TASP1: variants seen among roughly 807,000 people sequenced by gnomAD.
The protein encoded by TASP1 is taspase 1.
Under a neutral mutation model 56.6 loss-of-function variants are expected in TASP1, and 16 were observed. The observed-to-expected ratio is 0.28, with a 90% CI of 0.19 to 0.43. The LOEUF (loss-of-function observed/expected upper bound fraction) is 0.43, where lower values mean the gene tolerates loss of function less well. Among genes scored for constraint, TASP1 ranks in the 20% least tolerant of loss-of-function variants. The pLI is 1.00. For synonymous variants in TASP1, 179 were observed against 184.2 expected (o/e 0.97, Z 0.23); for missense variants, 393 against 511.6 (o/e 0.77, Z 2.24).
intron 7 of TASP1, among the ~76,000 whole-genome samples, chr20:13,569,188 T>TTC (rs368700107): frequency 1.3e-4 from 20 of 151,378 alleles, no homozygotes; most frequent in Middle Eastern, 3.4e-3. Flanking sequence ...CTATATTTTC[T>TTC]TCTCTCTCTC....
At chr20:13,149,264 G>T in the TASP1 span, among the ~76,000 whole-genome samples, 1 of 152,318 alleles carries the variant, frequency 6.6e-6, no homozygotes, top group South Asian at 2.1e-4. Context: ...TCTTGAAGGG[G>T]ATGTGGCCGC....
At chr20:13,436,660 C>T (rs1242651701) in intron 11 of TASP1, among the ~76,000 whole-genome samples, 1 of 152,122 alleles carries the variant, frequency 6.6e-6, no homozygotes, top group South Asian at 2.1e-4. Flanking sequence ...AGGTGTAAGT[C>T]TTTATGCTAA....
At chr20:13,507,135 A>G (rs1303381723) in intron 10 of TASP1, among the ~76,000 whole-genome samples, 1 of 152,194 alleles carries the variant, frequency 6.6e-6, no homozygotes, top group Non-Finnish European at 1.5e-5. Flanking sequence ...TAAAATATCC[A>G]AAAAGATATT....
chr20:13,160,142 C>G, the TASP1 span: 1 of 1,612,530 alleles, frequency 6.2e-7, no homozygotes, highest in South Asian at 1.1e-5. Context: ...GGTGAGTACA[C>G]CACAGGCCAA....
the TASP1 span, among the ~76,000 whole-genome samples, chr20:13,193,946 CT>C: frequency 0.026 from 4,002 of 152,234 alleles, 167 homozygotes; most frequent in African/African-American, 0.09. Flanking sequence ...ACATAACCAC[CT>C]GTAGATGCAA....
At chr20:13,220,459 G>A in the TASP1 span, among the ~76,000 whole-genome samples, 2 of 152,222 alleles carry the variant, frequency 1.3e-5, no homozygotes, top group Non-Finnish European at 2.9e-5. Flanking sequence ...ACAGCTGCGC[G>A]ACGCCAGCCC....
chr20:13,210,437 A>G, the TASP1 span, among the ~76,000 whole-genome samples: 1 of 152,194 alleles, frequency 6.6e-6, no homozygotes, highest in Non-Finnish European at 1.5e-5. Flanking sequence ...GCTAATTATT[A>G]TATATTCATA....
rs577403181 is a variant in TASP1, at chr20:13,395,499, C to G, written c.1171-5047G>C. 3.9e-5 allele frequency among the ~76,000 whole-genome samples: 6 copies of G among 152,238 alleles called. No individual in the cohort carries two copies. The South Asian group carries it at 1.2e-3, about 32-fold the overall frequency. On this transcript the variant is annotated intron_variant, in intron 13 of 13. Transcript: ENST00000337743. ...AATGTCACATGAACTTTAATATAAT[C>G]TGGAATACTGTGTATAGTTTATAGA...
At chr20:13,120,899 C>T in the TASP1 span, among the ~76,000 whole-genome samples, 1 of 152,178 alleles carries the variant, frequency 6.6e-6, no homozygotes, top group South Asian at 2.1e-4. Context: ...TTTGGAGCCG[C>T]TATAGATGCA....
At chr20:13,305,369 T>C in the TASP1 span, among the ~76,000 whole-genome samples, 1 of 152,210 alleles carries the variant, frequency 6.6e-6, no homozygotes, top group Non-Finnish European at 1.5e-5. Context: ...GGAGTGGGAC[T>C]GCTCAAATCA....
At chr20:13,360,050 G>C in the TASP1 span, among the ~76,000 whole-genome samples, 10 of 151,758 alleles carry the variant, frequency 6.6e-5, no homozygotes, top group East Asian at 3.9e-4. Context: ...TTTTACCTGT[G>C]CTAAAACCAG....
At chr20:13,257,098 A>G in the TASP1 span, among the ~76,000 whole-genome samples, 3 of 152,246 alleles carry the variant, frequency 2.0e-5, no homozygotes, top group African/African-American at 7.2e-5. Context: ...CTGGTGAGAA[A>G]GCTCGAGCCA....
chr20:13,620,172 C>A (rs1040083422), intron 4 of TASP1, among the ~76,000 whole-genome samples: 1 of 150,950 alleles, frequency 6.6e-6, no homozygotes, highest in Non-Finnish European at 1.5e-5. Context: ...AAAAATAAAA[C>A]CACACAAAAT....
chr20:13,292,256 G>A, the TASP1 span: 2 of 650,862 alleles, frequency 3.1e-6, no homozygotes, highest in Admixed American at 3.0e-5. Context: ...TTCTGCCCGT[G>A]AGTAGTAATG....
At chr20:13,163,554 T>C in the TASP1 span, among the ~76,000 whole-genome samples, 28 of 152,248 alleles carry the variant, frequency 1.8e-4, no homozygotes, top group African/African-American at 6.5e-4. Flanking sequence ...AAGATAACTT[T>C]GGTTACTTTT....
intron 11 of TASP1, among the ~76,000 whole-genome samples, chr20:13,437,912 A>T (rs923891844): frequency 6.6e-6 from 1 of 152,204 alleles, no homozygotes; most frequent in African/African-American, 2.4e-5. Context: ...AAGAATCAAT[A>T]TCATGAAAAT....
intron 11 of TASP1, among the ~76,000 whole-genome samples, chr20:13,473,381 C>A (rs1210688496): frequency 6.6e-6 from 1 of 151,954 alleles, no homozygotes; most frequent in Non-Finnish European, 1.5e-5. Flanking sequence ...AGAAATACCT[C>A]ATGTAAATGA....
the TASP1 span, among the ~76,000 whole-genome samples, chr20:13,190,416 T>C: frequency 1.3e-5 from 2 of 151,926 alleles, no homozygotes; most frequent in African/African-American, 4.8e-5. Flanking sequence ...CAATAACCCA[T>C]AAATAAAACC....
At chr20:13,476,790 G>A (rs551791586) in intron 11 of TASP1, among the ~76,000 whole-genome samples, 6 of 151,958 alleles carry the variant, frequency 3.9e-5, no homozygotes, top group Non-Finnish European at 5.9e-5. Flanking sequence ...TCCTTATTTT[G>A]CAGTTTGGAC....
Sources: allele counts gnomAD v4.1 joint callset (sites outside exome capture counted in the v4.1 genomes callset), GRCh38; gene constraint gnomAD v4.1.1; transcripts MANE v1.5; gene names NCBI Gene and HGNC (gene_info 2026-07-23, HGNC 2026-07-21).